The following ATP8A2 variants were observed in gnomAD, a reference collection of about 807,000 sequenced individuals.
ATP8A2 encodes ATPase phospholipid transporting 8A2.
ATP8A2 carries 100 observed loss-of-function variants against 165.6 expected under a neutral mutation model. The observed-to-expected ratio is 0.60, with a 90% confidence interval of 0.51 to 0.71. The LOEUF (loss-of-function observed/expected upper bound fraction) is 0.71, where lower values mean the gene tolerates loss of function less well. Among genes scored for constraint, ATP8A2 ranks in the 30% least tolerant of loss-of-function variants. The probability of loss-of-function intolerance (pLI) is 0.00; values close to 1 mark genes in which losing one functional copy is unlikely to be tolerated. For synonymous variants in ATP8A2, 543 were observed against 548.8 expected (o/e 0.99, Z 0.15); for missense variants, 1,227 against 1,479.5 (o/e 0.83, Z 2.80).
chr13:25,554,511 A>G (rs3121590), intron 12 of ATP8A2, among the ~76,000 whole-genome samples: 261 of 141,340 alleles, frequency 1.8e-3, no homozygotes, highest in African/African-American at 6.7e-3. Flanking sequence ...AATATAAATC[A>G]TGTGTGTGTG....
At chr13:25,404,523 G>A (rs959963723) in intron 1 of ATP8A2, among the ~76,000 whole-genome samples, 1 of 151,970 alleles carries the variant, frequency 6.6e-6, no homozygotes, top group African/African-American at 2.4e-5. Flanking sequence ...TTCAAGGAGA[G>A]GAATAAGTGG....
chr13:25,388,265 C>G (rs1372549880), intron 1 of ATP8A2, among the ~76,000 whole-genome samples: 1 of 152,084 alleles, frequency 6.6e-6, no homozygotes, highest in Non-Finnish European at 1.5e-5. Flanking sequence ...GGGGAGAAGT[C>G]AAGGACACTT....
rs551957080 is a variant in ATP8A2, at chr13:25,700,427, T to A, written c.2384+1082T>A. ...CCATTATCAGTTAATCCCATCTTCCTGCACGCCTTCACCCCCATCCCAAAC... is the reference window on the plus strand; with the variant it reads ...CCATTATCAGTTAATCCCATCTTCCAGCACGCCTTCACCCCCATCCCAAAC... On this transcript the variant is annotated intron_variant, in intron 25 of 36. Coordinates refer to ENST00000381655, the MANE Select transcript of ATP8A2 (RefSeq NM_016529.6). Among the ~76,000 whole-genome samples the A allele has an allele frequency of 2.0e-5, 3 of 152,324 alleles. No individual in the cohort carries two copies. In the South Asian group the frequency reaches 6.2e-4, roughly 32 times the overall value.
At chr13:25,521,144 A>G (rs997484125) in intron 2 of ATP8A2, among the ~76,000 whole-genome samples, 2 of 152,228 alleles carry the variant, frequency 1.3e-5, no homozygotes, top group East Asian at 3.9e-4. Flanking sequence ...CCTGTTGGCC[A>G]TTTGTATGTC....
chr13:25,485,607 C>T (rs189165338), intron 2 of ATP8A2, among the ~76,000 whole-genome samples: 5 of 152,340 alleles, frequency 3.3e-5, no homozygotes, highest in Admixed American at 3.3e-4. Context: ...AGTTCTTCCT[C>T]TGCATCGAGG....
intron 33 of ATP8A2, chr13:25,868,104 C>T (rs1462903097): frequency 8.8e-6 from 4 of 456,288 alleles, no homozygotes; most frequent in South Asian, 3.1e-5. Context: ...CACCCAAGTG[C>T]GGGTGTTGGG....
At chr13:25,813,846 G>A (rs952496032) in intron 27 of ATP8A2, among the ~76,000 whole-genome samples, 1 of 152,128 alleles carries the variant, frequency 6.6e-6, no homozygotes. Flanking sequence ...ATGTGGGTGG[G>A]CCTCATCCCA....
Position 25,769,053 on chromosome 13 carries a change from C to T in ATP8A2, c.2392C>T (p.Pro798Ser). Residue 798 changes from proline (P) to serine (S), a missense_variant, in exon 26 of 37, where the codon CCT (proline) becomes TCT (serine). Around this residue, in one of 5 missense-constraint regions of ATP8A2, gnomAD observed 592 missense variants for 785.6 expected, o/e 0.75. Coordinates refer to ENST00000381655, the MANE Select transcript of ATP8A2 (RefSeq NM_016529.6). Reference sequence around the variant, plus strand: ...CCCTCTCTTTTCTCACAGAGTGTCTCCTCTGCAGAAGTCTGAGATAGTGGA... The same window carrying T: ...CCCTCTCTTTTCTCACAGAGTGTCTTCTCTGCAGAAGTCTGAGATAGTGGA... ...CKAVICCRVS[P>S]LQKSEIVDVV... is the part of the protein sequence containing the mutation. 1 of 1,614,130 alleles carries T rather than the reference C, an allele frequency of 6.2e-7. No individual in the cohort carries two copies. Among genetic ancestry groups the T allele is most frequent in the Non-Finnish European group, 8.5e-7 (1 of 1,179,980 alleles).
At chr13:25,810,969 A>AC (rs1413817880) in intron 27 of ATP8A2, among the ~76,000 whole-genome samples, 1 of 152,148 alleles carries the variant, frequency 6.6e-6, no homozygotes, top group African/African-American at 2.4e-5. Flanking sequence ...TTTTGTTTTC[A>AC]ACTTACCCTG....
intron 33 of ATP8A2, among the ~76,000 whole-genome samples, chr13:25,884,433 C>G (rs890467246): frequency 1.3e-5 from 2 of 152,224 alleles, no homozygotes; most frequent in African/African-American, 4.8e-5. Flanking sequence ...TCCCCCGCTT[C>G]TGCTCCCACT....
chr13:25,727,559 T>G (rs1376124417), intron 25 of ATP8A2, among the ~76,000 whole-genome samples: 1 of 152,130 alleles, frequency 6.6e-6, no homozygotes, highest in Non-Finnish European at 1.5e-5. Flanking sequence ...AAGTCAGCCA[T>G]TATCCGGAAT....
chr13:25,471,531 C>T (rs61947628), intron 2 of ATP8A2, among the ~76,000 whole-genome samples: 5,830 of 152,168 alleles, frequency 0.038, 145 homozygotes, highest in Non-Finnish European at 0.05. Context: ...TTAGTAGAGA[C>T]GGGGCTTCGC....
At chr13:25,651,420 C>A (rs1040511851) in intron 24 of ATP8A2, among the ~76,000 whole-genome samples, 1 of 151,166 alleles carries the variant, frequency 6.6e-6, no homozygotes, top group African/African-American at 2.4e-5. Flanking sequence ...TCCAGCCTGG[C>A]GGCAGAGTGA....
intron 1 of ATP8A2, among the ~76,000 whole-genome samples, chr13:25,444,091 C>G (rs905210219): frequency 8.5e-5 from 13 of 152,222 alleles, no homozygotes; most frequent in African/African-American, 3.1e-4. Context: ...TGCTCCTTCC[C>G]AGACAATCCC....
chr13:25,933,691 A>T (rs1471136772), intron 33 of ATP8A2, among the ~76,000 whole-genome samples: 1 of 152,198 alleles, frequency 6.6e-6, no homozygotes, highest in Non-Finnish European at 1.5e-5. Context: ...ACTCAAGCCC[A>T]GTCTAAGGCA....
At chr13:25,891,523 A>G (rs757303687) in intron 33 of ATP8A2, among the ~76,000 whole-genome samples, 39 of 152,222 alleles carry the variant, frequency 2.6e-4, no homozygotes, top group Non-Finnish European at 5.0e-4. Context: ...GGGTTTCACC[A>G]GGTTGGCCAG....
rs539076485 is a variant in ATP8A2, at chr13:25,644,675, C to G, written c.2212-54498C>G. Among the ~76,000 whole-genome samples, 7 of 152,222 alleles carry G rather than the reference C, an allele frequency of 4.6e-5. 1 individual carries two copies. In the South Asian group the frequency reaches 1.5e-3, roughly 32 times the overall value. ...TGGTACAATTAAACAGTGGAGCCAT[C>G]TAGCCTTGGGATTTTCTTTAATAGA... On this transcript the variant is annotated intron_variant, in intron 24 of 36. Coordinates refer to ENST00000381655, the MANE Select transcript of ATP8A2 (RefSeq NM_016529.6).
rs568032842 is a variant in ATP8A2, at chr13:25,400,341, C to T, written c.76+28053C>T. ...TTAGGTCATATTAAAAGAACATTTA[C>T]TGAAATAAATTTTCCACTTCTTTGC... On this transcript the variant is annotated intron_variant, in intron 1 of 36. Transcript: ENST00000381655. Among the ~76,000 whole-genome samples, 14 of 152,312 alleles carry T rather than the reference C, an allele frequency of 9.2e-5. 1 individual carries two copies. In the South Asian group the frequency reaches 2.9e-3, roughly 32 times the overall value.
chr13:25,880,920 A>G, intron 33 of ATP8A2: 1 of 456,052 alleles, frequency 2.2e-6, no homozygotes, highest in Non-Finnish European at 4.4e-6. Flanking sequence ...AAATTCCCCA[A>G]ATCTACTTTT....
Sources: gnomAD v4.1 joint callset for allele counts (sites outside exome capture counted in the v4.1 genomes callset) on GRCh38, gnomAD v4.1.1 for gene constraint, gnomAD v4.1.1 regional missense constraint, MANE v1.5 for transcripts, NCBI Gene and HGNC (gene_info 2026-07-23, HGNC 2026-07-21) for gene names.